Variants in PACS2 observed in about 807,000 individuals in gnomAD.
PACS2 encodes PACS1-like protein.
A neutral mutation model predicts 113.0 loss-of-function variants in PACS2; 36 were observed. The observed-to-expected ratio is 0.32, with a 90% CI of 0.24 to 0.42. PACS2 has a LOEUF of 0.42. Among genes scored for constraint, PACS2 ranks in the 10% least tolerant of loss-of-function variants. PACS2 has a pLI of 1.00. For missense variants in PACS2, 1,015 were observed against 1,239.5 expected (o/e 0.82, Z 2.72); for synonymous variants, 589 against 536.1 (o/e 1.10, Z -1.36).
At position 105,355,347 on chromosome 14, in the gene PACS2, C is replaced by T. The variant is rs1220117326; in HGVS notation, c.423+170C>T. ...TCCGCCATAAGGGCCAGGTGCGGCC[C>T]CAGGTGGTGCTTCCTCTCTGACCTT... On this transcript the variant is annotated intron_variant, in intron 4 of 24. Transcript: ENST00000447393. This position sits in a 1 kb window ranked among gnomAD's most constrained non-coding sequence, Gnocchi z 4.1. Among the ~76,000 whole-genome samples, 1 of 152,254 alleles carries T rather than the reference C, an allele frequency of 6.6e-6. No individual in the cohort carries two copies. The highest frequency in any genetic ancestry group is 1.5e-5 in the Non-Finnish European group (1 of 68,040).
intron 4 of PACS2, among the ~76,000 whole-genome samples, chr14:105,362,965 C>G (rs2060789052): frequency 6.6e-6 from 1 of 152,206 alleles, no homozygotes; most frequent in African/African-American, 2.4e-5. Flanking sequence ...TCCAGCAGAG[C>G]TCTTGGGTGA....
At chr14:105,316,470 A>G (rs1416868228) in intron 1 of PACS2, among the ~76,000 whole-genome samples, 4 of 152,184 alleles carry the variant, frequency 2.6e-5, no homozygotes, top group Non-Finnish European at 5.9e-5. Flanking sequence ...ACAGCCCCAG[A>G]ACCTTCATGC....
At chr14:105,368,047 C>T in intron 5 of PACS2, 27 bp from the exon 6 acceptor site, 1 of 1,519,286 alleles carries the variant, frequency 6.6e-7, no homozygotes, top group Non-Finnish European at 9.1e-7. Flanking sequence ...CTCACGGCAC[C>T]CTCCCTTCTG....
intron 12 of PACS2, 72 bp downstream of exon 12, chr14:105,381,171 CG>C (rs1262296126): frequency 1.4e-6 from 2 of 1,398,166 alleles, no homozygotes; most frequent in African/African-American, 2.8e-5. Flanking sequence ...GGGCATCAGT[CG>C]GGGTGGGTGC....
intron 4 of PACS2, among the ~76,000 whole-genome samples, chr14:105,364,511 T>TGGCCTGGGTGCGCGGTGGGCGGC (rs2060876749): frequency 1.5e-5 from 2 of 131,772 alleles, no homozygotes; most frequent in African/African-American, 6.0e-5. Context: ...CGGTGGGCGG[T>TGGCCTGGGTGCGCGGTGGGCGGC]GGCCTGGGTG....
intron 22 of PACS2, 34 bp downstream of exon 22, chr14:105,391,800 T>TA: frequency 2.6e-6 from 4 of 1,558,070 alleles, no homozygotes; most frequent in South Asian, 2.4e-5. Context: ...ACGTTTCACT[T>TA]ACCCGCCCCA....
In PACS2 at chr14:105,366,692, C is replaced by A. The variant is rs1050061653; in HGVS notation, c.424-521C>A. ...AGTGCTGGGCTCCTCCTTGGTCCCCCACAGACACTGGTCCCTGGGCATTGG... is the reference window on the plus strand; with the variant it reads ...AGTGCTGGGCTCCTCCTTGGTCCCCAACAGACACTGGTCCCTGGGCATTGG... On this transcript the variant is annotated intron_variant, in intron 4 of 24. Coordinates refer to ENST00000447393, the MANE Select transcript of PACS2 (RefSeq NM_001100913.3). This position sits in a 1 kb window ranked among gnomAD's most constrained non-coding sequence, Gnocchi z 4.3. 3.9e-5 allele frequency among the ~76,000 whole-genome samples: 6 copies of A among 152,200 alleles called. No individual in the cohort carries two copies. The highest frequency in any genetic ancestry group is 1.4e-4 in the African/African-American group (6 of 41,462).
At chr14:105,326,028 A>AGGAG in intron 1 of PACS2, among the ~76,000 whole-genome samples, 1 of 152,246 alleles carries the variant, frequency 6.6e-6, no homozygotes, top group African/African-American at 2.4e-5. Flanking sequence ...GTAATTCTGT[A>AGGAG]GCTGACCTTG....
Position 105,383,474 on chromosome 14 carries a change from G to T in PACS2, c.1741G>T (p.Asp581Tyr), listed in dbSNP as rs74466343. ...FVEQLSHKTP[D>Y]WLGYMRFLVI... The stretch of plus-strand genomic sequence containing the variant: ...GGAGCAGCTGTCCCACAAGACACCC[G>T]ACTGGCTCGGCTACATGCGCTTCCT... The change falls in exon 16 of 25, where the codon GAC (aspartate) becomes TAC (tyrosine). Residue 581 changes from aspartate to tyrosine, a missense_variant. Around this residue, in one of 3 missense-constraint regions of PACS2, gnomAD observed 859 missense variants for 1,056.8 expected, o/e 0.81. Coordinates refer to ENST00000447393, the MANE Select transcript of PACS2 (RefSeq NM_001100913.3). The T allele has an allele frequency of 1.2e-6, 2 of 1,606,808 alleles. No individual in the cohort carries two copies. Among genetic ancestry groups the T allele is most frequent in the Admixed American group, 1.7e-5 (1 of 59,882 alleles).
rs1215727108 is a variant in PACS2, at chr14:105,367,443, C to T, written c.586+68C>T. 8 of 1,494,754 alleles carry T rather than the reference C, an allele frequency of 5.4e-6. No individual in the cohort carries two copies. The East Asian group carries it at 6.8e-5, about 13-fold the overall frequency. 92.6% of individuals were successfully genotyped at this position (1,494,754 alleles called of 1,614,324 possible). A position where few individuals can be genotyped will look rare whatever the true frequency, so the allele number is the denominator to read the frequency against. ...GCCCTGCCTTCCAGCCATGGCACAT[C>T]GGGTGGCAGAAACTGTCCAGCCTGG... On this transcript the variant is annotated intron_variant, in intron 5 of 24. Transcript: ENST00000447393.
chr14:105,374,946 T>C (rs1157593511), intron 8 of PACS2: 1 of 152,188 alleles, frequency 6.6e-6, no homozygotes, highest in East Asian at 1.9e-4. Flanking sequence ...CGAGCCGCGG[T>C]TGACATCACC....
chr14:105,340,717 T>C lies in PACS2; in HGVS notation c.120-7776T>C, dbSNP rs751081235. ...TGTACCAGAGCTAGGAATGAAGGGC[T>C]GGCTGAGCTGGTGCTTCCTGCCACC... On this transcript the variant is annotated intron_variant, in intron 1 of 24. Transcript: ENST00000447393. This position sits in a 1 kb window ranked among gnomAD's most constrained non-coding sequence, Gnocchi z 4.2. Among the ~76,000 whole-genome samples the C allele has an allele frequency of 3.3e-5, 5 of 152,228 alleles. No individual in the cohort carries two copies. Among genetic ancestry groups the C allele is most frequent in the African/African-American group, 7.2e-5 (3 of 41,462 alleles).
chr14:105,384,517 G>T (rs2081106166), intron 17 of PACS2, 54 bp downstream of exon 17: 4 of 1,159,046 alleles, frequency 3.5e-6, no homozygotes, highest in Non-Finnish European at 5.1e-6. Context: ...AGGGGCCCCG[G>T]TTTCCCCAGA....
At chr14:105,314,257 A>G (rs1438146263), upstream of PACS2, among the ~76,000 whole-genome samples, 1 of 151,266 alleles carries the variant, frequency 6.6e-6, no homozygotes. Flanking sequence ...GGCAGGAGAC[A>G]AGGGGCGGCG....
chr14:105,307,956 G>A (rs2058238062), intron 1 of PACS2, among the ~76,000 whole-genome samples: 1 of 152,204 alleles, frequency 6.6e-6, no homozygotes, highest in Admixed American at 6.5e-5. Flanking sequence ...GCAGAGGTGG[G>A]AGGATAGCTT....
rs782239948 is a variant in PACS2 at position 105,376,761 on chromosome 14, C to T, written c.802-7C>T. Reference sequence around the variant, plus strand: ...AGGGAACTCACGCGTGCCTGGCACCCGTGCAGGTCCTGGACTCGGAGCAGG... The same window carrying T: ...AGGGAACTCACGCGTGCCTGGCACCTGTGCAGGTCCTGGACTCGGAGCAGG... On this transcript the variant is annotated splice_region_variant and splice_polypyrimidine_tract_variant and intron_variant, in intron 8 of 24. Transcript: ENST00000447393. This position sits in a 1 kb window ranked among gnomAD's most constrained non-coding sequence, Gnocchi z 4.7. 41 of 1,611,240 alleles carry T rather than the reference C, an allele frequency of 2.5e-5. No homozygotes were observed. The highest frequency in any genetic ancestry group is 1.6e-4 in the Middle Eastern group (1 of 6,080).
intron 13 of PACS2, 69 bp from the exon 14 acceptor site, chr14:105,382,408 C>T (rs1183689789): frequency 6.4e-6 from 6 of 932,568 alleles, no homozygotes; most frequent in South Asian, 5.4e-5. Flanking sequence ...CTGCAGGCAC[C>T]AGGGCTGGCG....
chr14:105,301,437 G>T (rs1289940844), intron 1 of PACS2, among the ~76,000 whole-genome samples: 1 of 151,934 alleles, frequency 6.6e-6, no homozygotes, highest in Admixed American at 6.6e-5. Flanking sequence ...GAGGCGAGGG[G>T]GCCGAGCGTG....
At position 105,381,056 on chromosome 14, in the gene PACS2, G is replaced by A. The variant is rs782111780; in HGVS notation, c.1225G>A (p.Gly409Arg). The A allele has an allele frequency of 9.3e-6, 15 of 1,612,370 alleles. No homozygotes were observed. The highest frequency in any genetic ancestry group is 8.9e-5 in the East Asian group (4 of 44,882). The change falls in exon 12 of 25, where the codon GGG becomes AGG. Residue 409 changes from glycine (G) to arginine (R), a missense_variant. By Grantham distance (125) the Gly-to-Arg change is moderately radical. Coordinates refer to ENST00000447393, the MANE Select transcript of PACS2 (RefSeq NM_001100913.3). ...DVFTERLPPS[G>R]RITKTESLVI... ...GTTCACGGAGAGGCTGCCGCCCAGC[G>A]GGAGGATCACCAAGACAGAGTCCCT...
Sources: allele counts gnomAD v4.1 joint callset (sites outside exome capture counted in the v4.1 genomes callset), GRCh38; gene constraint gnomAD v4.1.1; regional missense constraint gnomAD v4.1.1; non-coding constraint Gnocchi (gnomAD v3.1); transcripts MANE v1.5; gene names NCBI Gene and HGNC (gene_info 2026-07-23, HGNC 2026-07-21).